GAPVD1: variants seen among roughly 807,000 people sequenced by gnomAD.
GAPVD1 encodes the protein GTPase activating protein and VPS9 domains 1, also known as GTPase-activating protein and VPS9 domain-containing protein 1.
A neutral mutation model predicts 155.5 loss-of-function variants in GAPVD1; 35 were observed. The ratio of observed to expected loss-of-function variants is 0.23; its 90% CI spans 0.17 to 0.30. The LOEUF is 0.30. Ranked by LOEUF, GAPVD1 falls within the 10% of genes least tolerant of loss-of-function variation. The probability of loss-of-function intolerance (pLI) is 1.00; values close to 1 mark genes in which losing one functional copy is unlikely to be tolerated. For synonymous variants in GAPVD1, 636 were observed against 619.7 expected, an observed-to-expected ratio of 1.03 and a Z score of -0.39; for missense variants, 1,429 against 1,775.7, an observed-to-expected ratio of 0.80 and a Z score of 3.51.
chr9:125,282,312 T>G (rs1354288007), intron 2 of GAPVD1, among the ~76,000 whole-genome samples: 1 of 152,204 alleles, frequency 6.6e-6, no homozygotes, highest in African/African-American at 2.4e-5. Flanking sequence ...TTAATTTTTA[T>G]TTTTAGTAAA....
chr9:125,288,408 C>A (rs958815956), intron 2 of GAPVD1, among the ~76,000 whole-genome samples: 5 of 152,098 alleles, frequency 3.3e-5, no homozygotes, highest in African/African-American at 1.2e-4. Flanking sequence ...CTGCACCCGG[C>A]CTTGTTAATA....
chr9:125,335,403 CGCG>C, intron 15 of GAPVD1: 1 of 426,974 alleles, frequency 2.3e-6, no homozygotes, highest in East Asian at 4.0e-5. Context: ...TGGGGCTGGG[CGCG>C]GTGGCTCACG....
At chr9:125,345,863 ATAAG>A (rs1185437963) in intron 19 of GAPVD1, 4 of 151,946 alleles carry the variant, frequency 2.6e-5, no homozygotes, top group Admixed American at 6.6e-5. Flanking sequence ...ATATATACAC[ATAAG>A]TGTGTGTGTG....
At chr9:125,360,854 T>C (rs959723340) in intron 27 of GAPVD1, 129 bp downstream of exon 27, 8 of 680,680 alleles carry the variant, frequency 1.2e-5, no homozygotes, top group Non-Finnish European at 1.8e-5. Context: ...AGAAAGAAAG[T>C]GCCTAATGTC....
rs373750165 is a variant in GAPVD1 at position 125,279,570 on chromosome 9, C to CA, written c.-150+10603dup. On this transcript the variant is annotated intron_variant, in intron 2 of 27. Transcript: ENST00000297933. The stretch of plus-strand genomic sequence containing the variant: ...TAGGCGACAGAGTGAGACTTCATCT[C>CA]AAAAAAAAAAAAAAAAATTAAAAAT... Among the ~76,000 whole-genome samples, 267 of 55,094 alleles carry CA rather than the reference C, an allele frequency of 4.8e-3. 1 individual carries two copies. The highest frequency in any genetic ancestry group is 0.01 in the East Asian group (29 of 2,784). The allele number at this position is 55,094 out of a possible 152,430, so 36.1% of individuals were successfully genotyped here.
chr9:125,345,068 G>A (rs1848323518), intron 19 of GAPVD1, among the ~76,000 whole-genome samples: 1 of 152,002 alleles, frequency 6.6e-6, no homozygotes, highest in South Asian at 2.1e-4. Flanking sequence ...GCATACTGGA[G>A]TCCTGCAGTT....
Position 125,366,428 on chromosome 9 carries a change from C to G in GAPVD1, c.*3682C>G, listed in dbSNP as rs1482247580. 6.6e-6 allele frequency: 1 copy of G among 152,210 alleles called. No homozygotes were observed. Among genetic ancestry groups the G allele is most frequent in the Non-Finnish European group, 1.5e-5 (1 of 68,040 alleles). 9.4% of individuals were successfully genotyped at this position (152,210 alleles called of 1,614,324 possible). A position where few individuals can be genotyped will look rare whatever the true frequency, so the allele number is the denominator to read the frequency against. ...AGTAGGAATACACTCAGAATTATTA[C>G]TGGATTGCATAAAAGTGATAGAAGT... On this transcript the variant is annotated 3_prime_UTR_variant, in exon 28 of 28. Coordinates refer to ENST00000297933, the MANE Select transcript of GAPVD1 (RefSeq NM_001282680.3).
chr9:125,349,327 A>G (rs940542353), intron 20 of GAPVD1, 63 bp from the exon 21 acceptor site: 23 of 1,412,500 alleles, frequency 1.6e-5, no homozygotes, highest in African/African-American at 1.4e-4. Context: ...CTGAATACCT[A>G]CTAGTGCCAT....
intron 2 of GAPVD1, among the ~76,000 whole-genome samples, chr9:125,281,300 T>G (rs1836751019): frequency 6.6e-6 from 1 of 152,156 alleles, no homozygotes; most frequent in Non-Finnish European, 1.5e-5. Context: ...TTGTTTAATT[T>G]AAAAGGTAGA....
intron 6 of GAPVD1, among the ~76,000 whole-genome samples, chr9:125,306,773 A>G (rs1262757812): frequency 6.6e-6 from 1 of 152,220 alleles, no homozygotes; most frequent in Non-Finnish European, 1.5e-5. Context: ...GATTGCAGGC[A>G]TGCACTACCA....
intron 2 of GAPVD1, among the ~76,000 whole-genome samples, chr9:125,271,060 G>A (rs1834828294): frequency 6.6e-6 from 1 of 152,088 alleles, no homozygotes; most frequent in African/African-American, 2.4e-5. Context: ...AAATGCTTGT[G>A]TCTGAAAGAA....
chr9:125,331,894 C>T (rs1846139940), intron 13 of GAPVD1, 32 bp from the exon 14 acceptor site: 1 of 1,610,268 alleles, frequency 6.2e-7, no homozygotes. Flanking sequence ...AAGAGAATCA[C>T]AAATGTAACA....
intron 3 of GAPVD1, among the ~76,000 whole-genome samples, chr9:125,296,172 T>C (rs1171293739): frequency 6.6e-6 from 1 of 151,792 alleles, no homozygotes; most frequent in Admixed American, 6.6e-5. Flanking sequence ...ACACTTTCTT[T>C]CTTTCTTCCT....
At chr9:125,293,853 TA>T (rs1409122973) in intron 2 of GAPVD1, among the ~76,000 whole-genome samples, 91 of 2,376 alleles carry the variant, frequency 0.038, no homozygotes, top group South Asian at 0.15. Flanking sequence ...AAATATATTT[TA>T]TATATATATA....
At position 125,302,230 on chromosome 9, in the gene GAPVD1, G is replaced by A; in HGVS notation, c.433G>A (p.Asp145Asn). ...GTATGGCAATTGCATCATGCAAGAA[G>A]ATGAAAGCTACCTCCTTCAGGTTTT... Reference protein sequence around the residue: ...SLYGNCIMQEDESYLLQVLRY... With the variant: ...SLYGNCIMQENESYLLQVLRY... Residue 145 changes from aspartate to asparagine, a missense_variant, in exon 5 of 28, where the codon GAT becomes AAT. This residue lies in a region of GAPVD1 where 628 missense variants were observed against 733.4 expected (regional missense o/e 0.86). Transcript: ENST00000297933. 1 of 1,614,048 alleles carries A rather than the reference G, an allele frequency of 6.2e-7. No homozygotes were observed. The highest frequency in any genetic ancestry group is 8.5e-7 in the Non-Finnish European group (1 of 1,179,960).
chr9:125,364,368 G>C lies in GAPVD1; in HGVS notation c.*1622G>C, dbSNP rs2841333. On this transcript the variant is annotated 3_prime_UTR_variant, in exon 28 of 28. Transcript: ENST00000297933. ...CAAGTGATTCCCCTGCCTCAGCCTC[G>C]CGAGTAGCTAGGACTACAGGCGCAT... The C allele has an allele frequency of 0.6, 91,171 of 151,890 alleles. 29,545 individuals carry two copies. Among genetic ancestry groups the C allele is most frequent in the African/African-American group, 0.87 (36,153 of 41,448 alleles). The allele number at this position is 151,890 out of a possible 1,614,324, so 9.4% of individuals were successfully genotyped here.
At chr9:125,336,311 A>AC (rs1846972713) in intron 15 of GAPVD1, among the ~76,000 whole-genome samples, 1 of 151,538 alleles carries the variant, frequency 6.6e-6, no homozygotes, top group Admixed American at 6.6e-5. Flanking sequence ...AAAAACAAAA[A>AC]ACAAAAAATA....
intron 13 of GAPVD1, 120 bp from the exon 14 acceptor site, chr9:125,331,806 C>A: frequency 1.2e-6 from 1 of 821,716 alleles, no homozygotes; most frequent in Admixed American, 2.1e-5. Context: ...CAGACTTACA[C>A]ATGTATTTGC....
intron 12 of GAPVD1, among the ~76,000 whole-genome samples, chr9:125,329,223 G>A (rs1003579128): frequency 1.3e-5 from 2 of 152,176 alleles, no homozygotes; most frequent in African/African-American, 4.8e-5. Flanking sequence ...CTGTATTTGC[G>A]CAATAAGCTG....
Sources: allele counts gnomAD v4.1 joint callset (sites outside exome capture counted in the v4.1 genomes callset), GRCh38; gene constraint gnomAD v4.1.1; regional missense constraint gnomAD v4.1.1; transcripts MANE v1.5; gene names NCBI Gene and HGNC (gene_info 2026-07-23, HGNC 2026-07-21).